The following NEO1 variants were observed in gnomAD, a reference collection of about 807,000 sequenced individuals.
NEO1 encodes neogenin 1, also known as neogenin.
Under a neutral mutation model 159.7 loss-of-function variants are expected in NEO1, and 63 were observed. That is an observed-to-expected ratio of 0.39 (90% CI 0.32 to 0.49). The LOEUF is 0.49. NEO1 is among the 20% of genes least tolerant of loss of function. The pLI, the probability that NEO1 is intolerant of heterozygous loss-of-function variation, is 0.85. For missense variants in NEO1, 1,615 were observed against 1,831.0 expected (o/e 0.88, Z 2.15); for synonymous variants, 633 against 662.0 (o/e 0.96, Z 0.67).
intron 4 of NEO1, among the ~76,000 whole-genome samples, chr15:73,132,594 A>G (rs2031269017): frequency 1.3e-5 from 2 of 152,250 alleles, no homozygotes; most frequent in African/African-American, 2.4e-5. Flanking sequence ...TAGAGTAAAC[A>G]GACAACCCAG....
chr15:73,255,572 C>G (rs2040298559), intron 13 of NEO1: 1 of 152,246 alleles, frequency 6.6e-6, no homozygotes, highest in African/African-American at 2.4e-5. Context: ...AGAATTGAGA[C>G]AGATGCCCCA....
intron 8 of NEO1, among the ~76,000 whole-genome samples, chr15:73,237,092 C>G (rs1053828904): frequency 1.1e-4 from 16 of 152,146 alleles, no homozygotes; most frequent in Non-Finnish European, 2.4e-4. Context: ...AACTGACTTT[C>G]TAGTGAAACC....
chr15:73,177,314 A>G (rs2035336204), intron 6 of NEO1, among the ~76,000 whole-genome samples: 1 of 152,210 alleles, frequency 6.6e-6, no homozygotes, highest in South Asian at 2.1e-4. Flanking sequence ...AAAAATGATC[A>G]GAACTATAGT....
chr15:73,247,540 C>T (rs533922424), intron 9 of NEO1, among the ~76,000 whole-genome samples: 3 of 152,260 alleles, frequency 2.0e-5, no homozygotes, highest in Non-Finnish European at 2.9e-5. Context: ...AAGTGAATAA[C>T]GTGATTCATA....
At chr15:73,096,199 A>G (rs1006078751) in intron 1 of NEO1, among the ~76,000 whole-genome samples, 9 of 152,238 alleles carry the variant, frequency 5.9e-5, no homozygotes, top group African/African-American at 2.2e-4. Flanking sequence ...CAGCACAAAC[A>G]ATAGCAAACA....
At chr15:73,220,417 C>G (rs1203867837) in intron 7 of NEO1, among the ~76,000 whole-genome samples, 1 of 152,020 alleles carries the variant, frequency 6.6e-6, no homozygotes, top group Non-Finnish European at 1.5e-5. Flanking sequence ...TGGAGTTGCT[C>G]TTCTCGAGGA....
At chr15:73,252,867 G>A (rs2040148971) in intron 11 of NEO1, among the ~76,000 whole-genome samples, 1 of 152,128 alleles carries the variant, frequency 6.6e-6, no homozygotes, top group Non-Finnish European at 1.5e-5. Context: ...GCAGGCTTCT[G>A]TAATCCTGGC....
At chr15:73,285,650 T>C (rs538718636) in intron 23 of NEO1, among the ~76,000 whole-genome samples, 1 of 152,316 alleles carries the variant, frequency 6.6e-6, no homozygotes, top group East Asian at 1.9e-4. Flanking sequence ...ATGGTAGCTG[T>C]TTACAGAGTC....
intron 1 of NEO1, among the ~76,000 whole-genome samples, chr15:73,101,460 TG>T (rs2070397851): frequency 6.6e-6 from 1 of 152,220 alleles, no homozygotes; most frequent in Non-Finnish European, 1.5e-5. Context: ...AGCTCTTTTC[TG>T]TTTGTACTCT....
At chr15:73,227,655 G>A (rs915615700) in intron 7 of NEO1, among the ~76,000 whole-genome samples, 1 of 152,212 alleles carries the variant, frequency 6.6e-6, no homozygotes, top group Non-Finnish European at 1.5e-5. Context: ...GCAGGTCAGA[G>A]CGGACAGCAA....
chr15:73,122,762 C>T lies in NEO1; in HGVS notation c.686C>T (p.Pro229Leu). ...YRCVVESGGPPKYSDEVELKV... is the reference protein window; with the variant it reads ...YRCVVESGGPLKYSDEVELKV... ...TGCGTAGTGGAAAGTGGTGGGCCAC[C>T]AAAGTATAGTGATGAAGTTGAATTG... Residue 229 changes from proline to leucine, a missense_variant, in exon 3 of 29, where the codon CCA (proline) becomes CTA (leucine). Physicochemically the swap from Pro to Leu is moderately conservative, Grantham distance 98 (BLOSUM62 -3). Transcript: ENST00000261908. 1.9e-6 allele frequency: 3 copies of T among 1,614,094 alleles called. No individual in the cohort carries two copies. Among genetic ancestry groups the T allele is most frequent in the Non-Finnish European group, 2.5e-6 (3 of 1,180,010 alleles).
At chr15:73,273,733 A>G in intron 19 of NEO1, 78 bp from the exon 20 acceptor site, 1 of 958,300 alleles carries the variant, frequency 1.0e-6, no homozygotes, top group Non-Finnish European at 1.6e-6. Context: ...ATATGATATA[A>G]TAGGTACTTA....
At chr15:73,057,944 C>T (rs964659611) in intron 1 of NEO1, among the ~76,000 whole-genome samples, 5 of 152,160 alleles carry the variant, frequency 3.3e-5, no homozygotes, top group Admixed American at 6.5e-5. Context: ...GATTTTATCA[C>T]TTCTACCCAC....
At chr15:73,168,616 T>A (rs761842939) in intron 5 of NEO1, among the ~76,000 whole-genome samples, 1 of 152,106 alleles carries the variant, frequency 6.6e-6, no homozygotes, top group Non-Finnish European at 1.5e-5. Flanking sequence ...AGAAATATAA[T>A]TTCATAGTCA....
chr15:73,106,320 A>G (rs1011335031), intron 1 of NEO1, among the ~76,000 whole-genome samples: 1 of 152,222 alleles, frequency 6.6e-6, no homozygotes. Context: ...CAATGGAAAT[A>G]TAGTACAAGC....
At chr15:73,082,023 A>C in intron 1 of NEO1, among the ~76,000 whole-genome samples, 1 of 151,874 alleles carries the variant, frequency 6.6e-6, no homozygotes, top group East Asian at 1.9e-4. Context: ...ACAGGCATGC[A>C]CCACTGCATC....
chr15:73,229,676 A>C (rs969649021), intron 7 of NEO1, among the ~76,000 whole-genome samples: 7 of 152,080 alleles, frequency 4.6e-5, no homozygotes, highest in Admixed American at 3.3e-4. Flanking sequence ...ACCATTACAT[A>C]CAGTGCTCAC....
chr15:73,138,492 C>T (rs998236778), intron 5 of NEO1, among the ~76,000 whole-genome samples: 12 of 151,606 alleles, frequency 7.9e-5, no homozygotes, highest in Non-Finnish European at 1.6e-4. Context: ...CGCGGTGGCT[C>T]GCGCCTGTAA....
intron 8 of NEO1, among the ~76,000 whole-genome samples, chr15:73,239,475 C>T (rs189099015): frequency 1.3e-5 from 2 of 152,294 alleles, no homozygotes; most frequent in East Asian, 1.9e-4. Flanking sequence ...ACCTAATATA[C>T]AATCGTGCAT....
Sources: allele counts gnomAD v4.1 joint callset (sites outside exome capture counted in the v4.1 genomes callset), GRCh38; gene constraint gnomAD v4.1.1; transcripts MANE v1.5; gene names NCBI Gene and HGNC (gene_info 2026-07-23, HGNC 2026-07-21).